Variants in ANKRD44 observed in about 807,000 individuals in gnomAD.
The protein encoded by ANKRD44 is ankyrin repeat domain 44.
In ANKRD44, 35 loss-of-function variants were observed where a neutral mutation model predicts 116.0. The ratio of observed to expected loss-of-function variants is 0.30; its 90% CI spans 0.23 to 0.40. The LOEUF (loss-of-function observed/expected upper bound fraction) is 0.40, where lower values mean the gene tolerates loss of function less well. Among genes scored for constraint, ANKRD44 ranks in the 10% least tolerant of loss-of-function variants. The pLI is 1.00. For missense variants in ANKRD44, 1,014 were observed against 1,242.6 expected (o/e 0.82, Z 2.77); for synonymous variants, 435 against 461.8 (o/e 0.94, Z 0.74).
intron 20 of ANKRD44, among the ~76,000 whole-genome samples, chr2:197,006,930 C>A (rs2076212345): frequency 6.6e-6 from 1 of 152,074 alleles, no homozygotes; most frequent in East Asian, 1.9e-4. Context: ...CATGGCAAAA[C>A]CCCATCTCAA....
intron 16 of ANKRD44, among the ~76,000 whole-genome samples, chr2:197,070,056 A>G (rs2077526306): frequency 6.6e-6 from 1 of 152,144 alleles, no homozygotes; most frequent in South Asian, 2.1e-4. Context: ...CATTCCTAGT[A>G]CACAGAAATG....
At chr2:197,154,174 C>CTTT (rs1034922629) in intron 2 of ANKRD44, among the ~76,000 whole-genome samples, 379 of 106,754 alleles carry the variant, frequency 3.6e-3, no homozygotes, top group East Asian at 4.6e-3. Flanking sequence ...TATCGGCTTT[C>CTTT]TTTTTTTTTT....
intron 3 of ANKRD44, among the ~76,000 whole-genome samples, chr2:197,137,484 C>T (rs1296188532): frequency 6.6e-6 from 1 of 152,162 alleles, no homozygotes; most frequent in African/African-American, 2.4e-5. Context: ...GAGGCTAAGG[C>T]CAGCTGATAG....
rs140538711 is a variant in ANKRD44 at position 196,988,605 on chromosome 2, G to C, written c.*986C>G. 10 of 984,152 alleles carry C rather than the reference G, an allele frequency of 1.0e-5. 1 individual carries two copies. In the East Asian group the frequency reaches 1.1e-3, roughly 112 times the overall value. 61.0% of individuals were successfully genotyped at this position (984,152 alleles called of 1,614,324 possible). A position where few individuals can be genotyped will look rare whatever the true frequency, so the allele number is the denominator to read the frequency against. ...GATGAAAAATATAATACAGTTATCT[G>C]TCTTTGATCCAGATATGATAGAACA... On this transcript the variant is annotated 3_prime_UTR_variant, in exon 28 of 28. Coordinates refer to ENST00000282272, the MANE Select transcript of ANKRD44 (RefSeq NM_001195144.2).
At chr2:197,003,866 G>C (rs2076156858) in intron 21 of ANKRD44, among the ~76,000 whole-genome samples, 1 of 152,074 alleles carries the variant, frequency 6.6e-6, no homozygotes, top group African/African-American at 2.4e-5. Flanking sequence ...CCAATGGCAG[G>C]AAGGGAACAA....
intron 4 of ANKRD44, among the ~76,000 whole-genome samples, chr2:197,132,897 C>G (rs887299600): frequency 1.3e-5 from 2 of 152,132 alleles, no homozygotes; most frequent in Admixed American, 6.5e-5. Context: ...TCTAGAAGAT[C>G]TTTTTAATTC....
At chr2:197,246,350 C>CATTTGTTTTTTT (rs1401035545) in intron 1 of ANKRD44, among the ~76,000 whole-genome samples, 1 of 65,876 alleles carries the variant, frequency 1.5e-5, no homozygotes, top group African/African-American at 6.7e-5. Flanking sequence ...CTACATCTGG[C>CATTTGTTTTTTT]TTTTTTTTTT....
At chr2:197,057,988 T>C (rs1439435301) in intron 16 of ANKRD44, among the ~76,000 whole-genome samples, 1 of 152,234 alleles carries the variant, frequency 6.6e-6, no homozygotes, top group African/African-American at 2.4e-5. Flanking sequence ...AACAGAATAA[T>C]CCATTTTCAT....
chr2:197,025,377 A>C (rs903527352), intron 16 of ANKRD44, 110 bp from the exon 17 acceptor site: 2 of 712,180 alleles, frequency 2.8e-6, no homozygotes, highest in African/African-American at 3.5e-5. Flanking sequence ...ATTTATCAGT[A>C]ATATAAAAAT....
At chr2:197,005,605 G>T in intron 21 of ANKRD44, 89 bp downstream of exon 21, 1 of 1,181,952 alleles carries the variant, frequency 8.5e-7, no homozygotes, top group Non-Finnish European at 1.2e-6. Flanking sequence ...ATGGTTTGCA[G>T]AATTACATAA....
At chr2:197,173,833 GA>G (rs2080298212) in intron 2 of ANKRD44, among the ~76,000 whole-genome samples, 1 of 152,120 alleles carries the variant, frequency 6.6e-6, no homozygotes, top group Admixed American at 6.5e-5. Flanking sequence ...AGGAGTTCAA[GA>G]CCAGCCTGGC....
At chr2:197,055,538 C>T (rs1227425142) in intron 16 of ANKRD44, among the ~76,000 whole-genome samples, 1 of 152,146 alleles carries the variant, frequency 6.6e-6, no homozygotes, top group South Asian at 2.1e-4. Flanking sequence ...TGAAGATGTT[C>T]TCTTACGCTT....
chr2:197,094,996 C>T (rs2078128432), intron 10 of ANKRD44, among the ~76,000 whole-genome samples: 1 of 152,174 alleles, frequency 6.6e-6, no homozygotes, highest in Admixed American at 6.5e-5. Context: ...TCTGTCCTGC[C>T]CCCAGGCCTT....
intron 19 of ANKRD44, among the ~76,000 whole-genome samples, chr2:197,008,706 T>C (rs1310838730): frequency 1.3e-5 from 2 of 152,180 alleles, no homozygotes; most frequent in Non-Finnish European, 2.9e-5. Flanking sequence ...CCGGGAAACA[T>C]GGCCACAGCC....
At chr2:197,193,750 C>T (rs1320616394) in intron 1 of ANKRD44, among the ~76,000 whole-genome samples, 1 of 151,994 alleles carries the variant, frequency 6.6e-6, no homozygotes, top group Admixed American at 6.5e-5. Flanking sequence ...GGCCTGGTGG[C>T]GGTCGCCCGT....
At chr2:197,078,954 T>C in intron 15 of ANKRD44, 140 bp from the exon 16 acceptor site, 1 of 816,496 alleles carries the variant, frequency 1.2e-6, no homozygotes, top group Non-Finnish European at 1.8e-6. Context: ...GCAATGAAGT[T>C]TTATGTGTTG....
At chr2:197,136,884 G>C (rs2079231147) in intron 3 of ANKRD44, among the ~76,000 whole-genome samples, 1 of 152,220 alleles carries the variant, frequency 6.6e-6, no homozygotes, top group South Asian at 2.1e-4. Flanking sequence ...TTGGTAAAAA[G>C]AAGTCAGTTT....
chr2:197,148,891 C>T (rs1353923550), intron 2 of ANKRD44, among the ~76,000 whole-genome samples: 1 of 152,140 alleles, frequency 6.6e-6, no homozygotes, highest in Non-Finnish European at 1.5e-5. Flanking sequence ...TATATGACTA[C>T]AATCAACCTT....
At chr2:197,057,048 G>A (rs1169809218) in intron 16 of ANKRD44, among the ~76,000 whole-genome samples, 1 of 152,152 alleles carries the variant, frequency 6.6e-6, no homozygotes, top group Non-Finnish European at 1.5e-5. Flanking sequence ...TGAAGAGAAA[G>A]GAAGATGGCA....
Sources: allele counts gnomAD v4.1 joint callset (sites outside exome capture counted in the v4.1 genomes callset), GRCh38; gene constraint gnomAD v4.1.1; transcripts MANE v1.5; gene names NCBI Gene and HGNC (gene_info 2026-07-23, HGNC 2026-07-21).